The following FRYL variants were observed in gnomAD, a reference collection of about 807,000 sequenced individuals.
The protein encoded by FRYL is FRY like transcription coactivator, also known as protein furry homolog-like.
In FRYL, 150 loss-of-function variants were observed where a neutral mutation model predicts 351.2. The ratio of observed to expected loss-of-function variants is 0.43; its 90% CI spans 0.37 to 0.49. The LOEUF is 0.49. FRYL is among the 20% of genes least tolerant of loss of function. FRYL has a pLI of 0.00. For synonymous variants in FRYL, 1,153 were observed against 1,257.1 expected (o/e 0.92, Z 1.75); for missense variants, 3,036 against 3,619.3 (o/e 0.84, Z 4.13).
At chr4:48,559,819 A>G (rs1278078463) in intron 33 of FRYL, among the ~76,000 whole-genome samples, 1 of 152,162 alleles carries the variant, frequency 6.6e-6, no homozygotes, top group African/African-American at 2.4e-5. Flanking sequence ...AAAGCAGGAA[A>G]TATTAAGTTT....
intron 6 of FRYL, among the ~76,000 whole-genome samples, chr4:48,620,327 C>A (rs1162890732): frequency 6.6e-6 from 1 of 152,174 alleles, no homozygotes; most frequent in African/African-American, 2.4e-5. Context: ...TGAATATTTT[C>A]TTAACTTTAT....
At chr4:48,779,926 C>T (rs1406064738) in intron 1 of FRYL, among the ~76,000 whole-genome samples, 152 bp downstream of exon 1, 1 of 151,940 alleles carries the variant, frequency 6.6e-6, no homozygotes, top group Non-Finnish European at 1.5e-5. Context: ...CCTGGACCGC[C>T]TTCCCTCGGC....
At chr4:48,741,710 A>C (rs1197899864) in intron 1 of FRYL, among the ~76,000 whole-genome samples, 2 of 151,966 alleles carry the variant, frequency 1.3e-5, no homozygotes, top group East Asian at 3.9e-4. Flanking sequence ...TAATAATAAT[A>C]ATAATAATAG....
In FRYL at chr4:48,754,575, T is replaced by G. The variant is rs570701745; in HGVS notation, c.-384+25503A>C. On this transcript the variant is annotated intron_variant, in intron 1 of 63. Transcript: ENST00000358350. ...AGCCACCCAACTGTCTTCCACAGCATGTGCACCACTCTCCATTCCCACAAG... is the reference window on the plus strand; with the variant it reads ...AGCCACCCAACTGTCTTCCACAGCAGGTGCACCACTCTCCATTCCCACAAG... Among the ~76,000 whole-genome samples, 71 of 152,240 alleles carry G rather than the reference T, an allele frequency of 4.7e-4. No homozygotes were observed. In the South Asian group the frequency reaches 0.012, roughly 26 times the overall value.
intron 1 of FRYL, among the ~76,000 whole-genome samples, chr4:48,773,382 G>A (rs1775712105): frequency 6.6e-6 from 1 of 152,070 alleles, no homozygotes; most frequent in Non-Finnish European, 1.5e-5. Context: ...TTTTTAACCA[G>A]TAAGGGGCAA....
chr4:48,541,231 TCA>T (rs1730088397), intron 45 of FRYL, among the ~76,000 whole-genome samples: 1 of 152,194 alleles, frequency 6.6e-6, no homozygotes, highest in Non-Finnish European at 1.5e-5. Context: ...CTAACAACGT[TCA>T]GCTCTGAGAT....
At chr4:48,585,541 T>C (rs1741928210) in intron 19 of FRYL, among the ~76,000 whole-genome samples, 1 of 152,236 alleles carries the variant, frequency 6.6e-6, no homozygotes, top group Non-Finnish European at 1.5e-5. Flanking sequence ...CTATAGTCAT[T>C]GTATTTGTTT....
In FRYL at chr4:48,756,381, T is replaced by G. The variant is rs1320911539; in HGVS notation, c.-384+23697A>C. ...CTCACTCAAATCACTCTCACAACACTGTCAGATATTGTTCCAGTCTAAAAT... is the reference window on the plus strand; with the variant it reads ...CTCACTCAAATCACTCTCACAACACGGTCAGATATTGTTCCAGTCTAAAAT... On this transcript the variant is annotated intron_variant, in intron 1 of 63. Transcript: ENST00000358350. 3.3e-5 allele frequency among the ~76,000 whole-genome samples: 5 copies of G among 152,192 alleles called. No homozygotes were observed. The East Asian group carries it at 9.6e-4, about 29-fold the overall frequency.
In FRYL at chr4:48,687,502, G is replaced by A. The variant is rs1253870620; in HGVS notation, c.-203-2707C>T. ...CAGGGCAAATGAGGTCGGGGGGGGG[G>A]GGGGTGAGGGGGGAGGGGGGCGGAA... is the stretch of plus-strand genomic sequence containing the variant. On this transcript the variant is annotated intron_variant, in intron 2 of 63. Coordinates refer to ENST00000358350, the MANE Select transcript of FRYL (RefSeq NM_015030.2). Among the ~76,000 whole-genome samples the A allele has an allele frequency of 4.7e-5, 6 of 127,102 alleles. 1 individual carries two copies. The highest frequency in any genetic ancestry group is 8.0e-5 in the Admixed American group (1 of 12,520). The allele number at this position is 127,102 out of a possible 152,430, so 83.4% of individuals were successfully genotyped here. A position where few individuals can be genotyped will look rare whatever the true frequency, so the allele number is the denominator to read the frequency against.
chr4:48,773,242 T>C (rs776985230), intron 1 of FRYL, among the ~76,000 whole-genome samples: 3 of 152,186 alleles, frequency 2.0e-5, no homozygotes, highest in Non-Finnish European at 4.4e-5. Flanking sequence ...TAAAGACTAG[T>C]AGAGCTGATG....
At chr4:48,590,438 T>G (rs1408256494) in intron 17 of FRYL, among the ~76,000 whole-genome samples, 1 of 152,024 alleles carries the variant, frequency 6.6e-6, no homozygotes, top group Non-Finnish European at 1.5e-5. Flanking sequence ...CAGCCAAGAC[T>G]GCACCATGCC....
chr4:48,721,679 G>A (rs1169692096), intron 1 of FRYL, among the ~76,000 whole-genome samples: 7 of 151,920 alleles, frequency 4.6e-5, no homozygotes, highest in Admixed American at 1.3e-4. Context: ...TCACTCTGTC[G>A]CCCAGGCTGG....
chr4:48,580,983 T>C (rs753070917), intron 21 of FRYL, 32 bp from the exon 22 acceptor site: 1 of 1,438,440 alleles, frequency 7.0e-7, no homozygotes, highest in Admixed American at 2.2e-5. Flanking sequence ...TCTAAAAAAA[T>C]TAGGAATGTT....
At chr4:48,618,394 A>G (rs1012594322) in intron 7 of FRYL, 2 of 152,300 alleles carry the variant, frequency 1.3e-5, no homozygotes, top group African/African-American at 2.4e-5. Flanking sequence ...AATTAATTTT[A>G]TATCTTGTAT....
At chr4:48,510,333 A>C (rs548598656) in intron 58 of FRYL, among the ~76,000 whole-genome samples, 176 bp from the exon 59 acceptor site, 2 of 152,296 alleles carry the variant, frequency 1.3e-5, no homozygotes, top group East Asian at 1.9e-4. Flanking sequence ...GTAGGAGTGC[A>C]GTGGGACTTG....
intron 15 of FRYL, among the ~76,000 whole-genome samples, chr4:48,595,101 A>C (rs1484413545): frequency 1.3e-5 from 2 of 152,186 alleles, no homozygotes; most frequent in Non-Finnish European, 2.9e-5. Context: ...CATGATTCTG[A>C]AGCATACCCA....
chr4:48,549,239 A>T lies in FRYL; in HGVS notation c.4784+234T>A, dbSNP rs1333775048. Among the ~76,000 whole-genome samples, 1 of 152,230 alleles carries T rather than the reference A, an allele frequency of 6.6e-6. No individual in the cohort carries two copies. Among genetic ancestry groups the T allele is most frequent in the Non-Finnish European group, 1.5e-5 (1 of 68,038 alleles). Reference sequence around the variant, plus strand: ...AACTGGGTCCCAGAAAGGTCAAGTAACTATGCCAGACACCCAGAAAAGCAG... The same window carrying T: ...AACTGGGTCCCAGAAAGGTCAAGTATCTATGCCAGACACCCAGAAAAGCAG... On this transcript the variant is annotated intron_variant, in intron 39 of 63. Transcript: ENST00000358350. The surrounding 1 kb of genome is among the most constrained non-coding windows in gnomAD (Gnocchi z 4.2).
At chr4:48,569,956 G>C (rs574057922) in intron 27 of FRYL, among the ~76,000 whole-genome samples, 1 of 152,222 alleles carries the variant, frequency 6.6e-6, no homozygotes, top group South Asian at 2.1e-4. Context: ...GGGACTACTG[G>C]TGTCTGCCAC....
chr4:48,669,217 G>A (rs967445616), intron 3 of FRYL, among the ~76,000 whole-genome samples: 9 of 151,952 alleles, frequency 5.9e-5, no homozygotes, highest in African/African-American at 2.2e-4. Context: ...TGCTTCTTAA[G>A]TGAGGAATAA....
Sources: allele counts gnomAD v4.1 joint callset (sites outside exome capture counted in the v4.1 genomes callset), GRCh38; gene constraint gnomAD v4.1.1; non-coding constraint Gnocchi (gnomAD v3.1); transcripts MANE v1.5; gene names NCBI Gene and HGNC (gene_info 2026-07-23, HGNC 2026-07-21).